Variants in CINP observed in about 807,000 individuals in gnomAD.
The protein encoded by CINP is cyclin dependent kinase 2 interacting protein, also known as cyclin-dependent kinase 2-interacting protein.
Under a neutral mutation model 20.5 loss-of-function variants are expected in CINP, and 11 were observed. The ratio of observed to expected loss-of-function variants is 0.54; its 90% CI spans 0.34 to 0.89. The LOEUF is 0.89. Ranked by LOEUF, CINP falls within the 40% of genes least tolerant of loss-of-function variation. The pLI is 0.02. For synonymous variants in CINP, 108 were observed against 102.1 expected, an observed-to-expected ratio of 1.06 and a Z score of -0.35; for missense variants, 213 against 251.0, an observed-to-expected ratio of 0.85 and a Z score of 1.02.
In CINP at chr14:102,355,810, C is replaced by T; in HGVS notation, c.264G>A (p.Leu88=). The change falls in exon 3 of 5, where the codon CTG becomes CTA. Residue 88 remains leucine (L), a synonymous_variant. Coordinates refer to ENST00000216756, the MANE Select transcript of CINP (RefSeq NM_032630.3). ...EKVCLEYNEE[L]EKLCEELQAT... ...CCTGCAGTTCCTCACACAGCTTCTC[C>T]AGTTCCTCGTTATATTCCAGACACA... 2 of 1,614,184 alleles carry T rather than the reference C, an allele frequency of 1.2e-6. No individual in the cohort carries two copies. Among genetic ancestry groups the T allele is most frequent in the South Asian group, 1.1e-5 (1 of 91,084 alleles).
chr14:102,355,108 G>A (rs959948578), intron 3 of CINP, among the ~76,000 whole-genome samples: 4 of 151,608 alleles, frequency 2.6e-5, no homozygotes, highest in Admixed American at 6.6e-5. Flanking sequence ...CAAAGATAAA[G>A]TTTTCATGGA....
At chr14:102,359,934 A>G (rs1887101123) in intron 1 of CINP, among the ~76,000 whole-genome samples, 1 of 152,174 alleles carries the variant, frequency 6.6e-6, no homozygotes, top group African/African-American at 2.4e-5. Flanking sequence ...CCTTCCCTAC[A>G]GGATAATCTA....
chr14:102,355,598 G>A (rs1886981362), intron 3 of CINP, 170 bp downstream of exon 3: 1 of 688,842 alleles, frequency 1.5e-6, no homozygotes, highest in East Asian at 2.6e-5. Flanking sequence ...AGGAGTGAGT[G>A]TCTAAGACAG....
At chr14:102,349,886 C>T in intron 4 of CINP, 33 bp downstream of exon 4, 1 of 1,612,582 alleles carries the variant, frequency 6.2e-7, no homozygotes, top group Non-Finnish European at 8.5e-7. Flanking sequence ...AACCTTTACC[C>T]TCCTGAAAAT....
rs376172265 is a variant in CINP at position 102,362,872 on chromosome 14, G to A, written c.-21C>T. ...TCCATAAGGTCCACAGATATCCGTA[G>A]AAGGAGACGCGAAGCCCCGCCCACC... On this transcript the variant is annotated 5_prime_UTR_variant, in exon 1 of 5. Transcript: ENST00000216756. 4 of 1,613,776 alleles carry A rather than the reference G, an allele frequency of 2.5e-6. No individual in the cohort carries two copies. Among genetic ancestry groups the A allele is most frequent in the South Asian group, 2.2e-5 (2 of 90,954 alleles).
rs749541105 is a variant in CINP at position 102,359,565 on chromosome 14, C to T, written c.30G>A (p.Thr10=). 65 of 1,610,070 alleles carry T rather than the reference C, an allele frequency of 4.0e-5. No individual in the cohort carries two copies. The highest frequency in any genetic ancestry group is 5.2e-5 in the Non-Finnish European group (61 of 1,177,982). The part of the protein sequence containing the change: MEAKTLGTV[T]PRKPVLSVSA... Reference sequence around the variant, plus strand: ...TGACAGATAAGACAGGTTTTCTGGGCGTTACAGTTCCAAGAGTCTTTGCTG... The same window carrying T: ...TGACAGATAAGACAGGTTTTCTGGGTGTTACAGTTCCAAGAGTCTTTGCTG... The change falls in exon 2 of 5, where the codon ACG becomes ACA. Residue 10 remains threonine (T), a synonymous_variant. Transcript: ENST00000216756.
chr14:102,355,601 TA>T, intron 3 of CINP, 166 bp downstream of exon 3: 1 of 712,562 alleles, frequency 1.4e-6, no homozygotes, highest in Non-Finnish European at 2.3e-6. Flanking sequence ...AGTGAGTGTC[TA>T]AGACAGCATC....
In CINP at chr14:102,348,460, C is replaced by G. The variant is rs1328968949; in HGVS notation, c.*97G>C. ...TGGCCAGAAGACCCCAAGGTCTGAT[C>G]CTGGGGTCTGATCCAGGCCTGCGGC... On this transcript the variant is annotated 3_prime_UTR_variant, in exon 5 of 5. Transcript: ENST00000216756. The G allele has an allele frequency of 8.6e-7, 1 of 1,157,426 alleles. No homozygotes were observed. The highest frequency in any genetic ancestry group is 1.5e-5 in the African/African-American group (1 of 65,712). 71.7% of individuals were successfully genotyped at this position (1,157,426 alleles called of 1,614,324 possible).
chr14:102,358,140 C>T (rs901219271), intron 2 of CINP, among the ~76,000 whole-genome samples: 3 of 152,160 alleles, frequency 2.0e-5, no homozygotes, highest in Admixed American at 6.5e-5. Flanking sequence ...CATGAGAAAA[C>T]TTGAACAGAT....
chr14:102,354,426 A>G (rs1194223792), intron 3 of CINP, among the ~76,000 whole-genome samples: 2 of 152,230 alleles, frequency 1.3e-5, no homozygotes, highest in Non-Finnish European at 2.9e-5. Flanking sequence ...TGTGACTCAT[A>G]AAAATTATAC....
chr14:102,350,332 A>T (rs1349042466), intron 3 of CINP, among the ~76,000 whole-genome samples: 1 of 152,054 alleles, frequency 6.6e-6, no homozygotes, highest in Non-Finnish European at 1.5e-5. Context: ...AAACAGCATT[A>T]ATGTCTTAGA....
At position 102,359,593 on chromosome 14, in the gene CINP, A is replaced by C. The variant is rs992931892; in HGVS notation, c.8-6T>G. On this transcript the variant is annotated splice_region_variant and splice_polypyrimidine_tract_variant and intron_variant, in intron 1 of 4. Coordinates refer to ENST00000216756, the MANE Select transcript of CINP (RefSeq NM_032630.3). ...TACAGTTCCAAGAGTCTTTGCTGAT[A>C]GGGTATAAAAGAAACAAAATTATTA... is the stretch of plus-strand genomic sequence containing the variant. 9 of 1,595,734 alleles carry C rather than the reference A, an allele frequency of 5.6e-6. No individual in the cohort carries two copies. Among genetic ancestry groups the C allele is most frequent in the Non-Finnish European group, 6.8e-6 (8 of 1,171,430 alleles).
In CINP at chr14:102,362,885, A is replaced by G. The variant is rs767295121; in HGVS notation, c.-34T>C. On this transcript the variant is annotated 5_prime_UTR_variant, in exon 1 of 5. Transcript: ENST00000216756. ...CAGATATCCGTAGAAGGAGACGCGA[A>G]GCCCCGCCCACCCCACCGGAAACGC... 1 of 1,613,612 alleles carries G rather than the reference A, an allele frequency of 6.2e-7. No homozygotes were observed. Among genetic ancestry groups the G allele is most frequent in the East Asian group, 2.2e-5 (1 of 44,848 alleles).
intron 1 of CINP, among the ~76,000 whole-genome samples, chr14:102,360,363 A>C (rs934258854): frequency 6.6e-6 from 1 of 151,922 alleles, no homozygotes. Flanking sequence ...CCAAGAGCCA[A>C]CTCAGGTTGT....
chr14:102,353,307 A>G (rs1443876921), intron 3 of CINP, among the ~76,000 whole-genome samples: 4 of 152,010 alleles, frequency 2.6e-5, no homozygotes, highest in African/African-American at 9.7e-5. Flanking sequence ...GCGTGGGAGG[A>G]GGAGAAAGAG....
chr14:102,360,326 T>C (rs1302462358), intron 1 of CINP, among the ~76,000 whole-genome samples: 2 of 152,060 alleles, frequency 1.3e-5, no homozygotes, highest in Admixed American at 6.5e-5. Context: ...CGGATCCCAC[T>C]GCCTGTAGGA....
Position 102,348,402 on chromosome 14 carries a change from G to A in CINP, c.*155C>T. On this transcript the variant is annotated 3_prime_UTR_variant, in exon 5 of 5. Coordinates refer to ENST00000216756, the MANE Select transcript of CINP (RefSeq NM_032630.3). Reference sequence around the variant, plus strand: ...GGCCGCGGGTTGTGGGCATGAGCACGCCTGGAGAGGCCATGGGGCTGGTGA... The same window carrying A: ...GGCCGCGGGTTGTGGGCATGAGCACACCTGGAGAGGCCATGGGGCTGGTGA... 1.5e-6 allele frequency: 1 copy of A among 674,768 alleles called. No homozygotes were observed. Among genetic ancestry groups the A allele is most frequent in the Non-Finnish European group, 2.5e-6 (1 of 404,254 alleles). 41.8% of individuals were successfully genotyped at this position (674,768 alleles called of 1,614,324 possible). A position where few individuals can be genotyped will look rare whatever the true frequency, so the allele number is the denominator to read the frequency against.
intron 3 of CINP, chr14:102,355,520 A>G: frequency 3.1e-6 from 1 of 323,722 alleles, no homozygotes; most frequent in African/African-American, 2.3e-5. Context: ...ATATCATGGA[A>G]AAAAAAAAAA....
chr14:102,362,635 C>A (rs1454679288), intron 1 of CINP: 6 of 719,706 alleles, frequency 8.3e-6, no homozygotes, highest in Middle Eastern at 2.3e-4. Context: ...TCTGTCACTG[C>A]ACATGTGAAA....
Sources: gnomAD v4.1 joint callset for allele counts (sites outside exome capture counted in the v4.1 genomes callset) on GRCh38, gnomAD v4.1.1 for gene constraint, MANE v1.5 for transcripts, NCBI Gene and HGNC (gene_info 2026-07-23, HGNC 2026-07-21) for gene names.